The following SLC25A48 variants were observed in gnomAD, a reference collection of about 807,000 sequenced individuals.
The protein encoded by SLC25A48 is solute carrier family 25 member 48, also known as CTC-321K16.1.
Under a neutral mutation model 32.2 loss-of-function variants are expected in SLC25A48, and 29 were observed. The ratio of observed to expected loss-of-function variants is 0.90; its 90% CI spans 0.67 to 1.23. The LOEUF is 1.23. Ranked by LOEUF, SLC25A48 falls within the 50% of genes most tolerant of loss-of-function variation. The pLI is 0.00. For missense variants in SLC25A48, 399 were observed against 422.7 expected (o/e 0.94, Z 0.49); for synonymous variants, 164 against 172.3 (o/e 0.95, Z 0.38).
At chr5:135,744,660 CAGA>C (rs2127003351) in intron 3 of SLC25A48, among the ~76,000 whole-genome samples, 1 of 152,210 alleles carries the variant, frequency 6.6e-6, no homozygotes, top group Non-Finnish European at 1.5e-5. Context: ...GATGAGGAAC[CAGA>C]AGCTCAGAGA....
chr5:135,832,993 G>A (rs1758264840), upstream of SLC25A48, among the ~76,000 whole-genome samples: 1 of 152,224 alleles, frequency 6.6e-6, no homozygotes, highest in Admixed American at 6.5e-5. Context: ...GCTCTGAAGT[G>A]CGAAGGCCAG....
At chr5:135,713,193 A>G (rs890439801) in intron 3 of SLC25A48, among the ~76,000 whole-genome samples, 13 of 152,234 alleles carry the variant, frequency 8.5e-5, no homozygotes, top group Admixed American at 8.5e-4. Context: ...TGCAACCTGC[A>G]TTTTAACAAG....
chr5:135,850,611 A>G, intron 3 of SLC25A48, 115 bp downstream of exon 3: 1 of 913,078 alleles, frequency 1.1e-6, no homozygotes, highest in Non-Finnish European at 1.7e-6. Flanking sequence ...TGCTCTTCAC[A>G]CTCAGCTTGA....
intron 3 of SLC25A48, among the ~76,000 whole-genome samples, chr5:135,804,969 T>A (rs1311483286): frequency 1.3e-5 from 2 of 151,524 alleles, no homozygotes; most frequent in East Asian, 3.9e-4. Context: ...GGGATAGTAT[T>A]TGTAATATCC....
chr5:135,791,660 C>A (rs11242290), intron 3 of SLC25A48, among the ~76,000 whole-genome samples: 98,713 of 150,808 alleles, frequency 0.65, 34,234 homozygotes, highest in Non-Finnish European at 0.77. Context: ...TGTGATATTA[C>A]TGGTAATATT....
At chr5:135,696,048 C>T (rs1444606438) in intron 3 of SLC25A48, among the ~76,000 whole-genome samples, 1 of 152,208 alleles carries the variant, frequency 6.6e-6, no homozygotes, top group Non-Finnish European at 1.5e-5. Context: ...AGTGTCATCA[C>T]CCACAAATGG....
At position 135,799,305 on chromosome 5, in the gene SLC25A48, G is replaced by A. The variant is rs574634152; in HGVS notation, c.-520-13218G>A. Reference sequence around the variant, plus strand: ...TTACTACCAATATTGAAGGGCAGATGTACTCCCTCCCTGTGATATTGTTCT... The same window carrying A: ...TTACTACCAATATTGAAGGGCAGATATACTCCCTCCCTGTGATATTGTTCT... On this transcript the variant is annotated intron_variant, in intron 3 of 10. Coordinates refer to the SLC25A48 transcript ENST00000646290. Among the ~76,000 whole-genome samples the A allele has an allele frequency of 2.0e-3, 302 of 151,774 alleles. 1 individual carries two copies. Among genetic ancestry groups the A allele is most frequent in the African/African-American group, 6.9e-3 (287 of 41,438 alleles).
intron 1 of SLC25A48, among the ~76,000 whole-genome samples, chr5:135,596,293 C>A (rs1001957354): frequency 6.6e-6 from 1 of 152,032 alleles, no homozygotes; most frequent in South Asian, 2.1e-4. Flanking sequence ...CAATTGGTAA[C>A]CATAGAGATG....
chr5:135,790,993 C>G (rs191941543), intron 3 of SLC25A48, among the ~76,000 whole-genome samples: 1 of 150,400 alleles, frequency 6.6e-6, no homozygotes, highest in African/African-American at 2.5e-5. Context: ...TGTATAATTA[C>G]GGGGGGGGTG....
chr5:135,763,510 C>T (rs986206027), intron 3 of SLC25A48, among the ~76,000 whole-genome samples: 3 of 152,044 alleles, frequency 2.0e-5, no homozygotes, highest in African/African-American at 7.2e-5. Context: ...ATCCCACAAG[C>T]GCTGGAGGCA....
intron 3 of SLC25A48, among the ~76,000 whole-genome samples, chr5:135,678,465 CT>C (rs1753820033): frequency 2.0e-5 from 3 of 152,058 alleles, no homozygotes; most frequent in South Asian, 4.1e-4. Flanking sequence ...TTAAAATTCT[CT>C]TGTATCTCAC....
chr5:135,755,336 A>C (rs1369812778), intron 3 of SLC25A48, among the ~76,000 whole-genome samples: 2 of 152,074 alleles, frequency 1.3e-5, no homozygotes, highest in Admixed American at 6.6e-5. Context: ...GTGTCAATGC[A>C]CTATGGTATT....
chr5:135,735,416 G>A (rs1755337224), intron 3 of SLC25A48, among the ~76,000 whole-genome samples: 3 of 152,174 alleles, frequency 2.0e-5, no homozygotes, highest in Admixed American at 2.0e-4. Context: ...AGAAAGCCTG[G>A]GCCTTCAAGG....
intron 7 of SLC25A48, among the ~76,000 whole-genome samples, chr5:135,886,842 G>C (rs1238746693): frequency 6.6e-6 from 1 of 151,154 alleles, no homozygotes; most frequent in Non-Finnish European, 1.5e-5. Flanking sequence ...TTAAACAAAT[G>C]GAATCCTATT....
intron 3 of SLC25A48, among the ~76,000 whole-genome samples, chr5:135,790,554 A>T (rs912181917): frequency 3.3e-5 from 5 of 151,136 alleles, no homozygotes; most frequent in Non-Finnish European, 7.4e-5. Context: ...TCCTAGGGGG[A>T]TATTTCTCCT....
intron 7 of SLC25A48, among the ~76,000 whole-genome samples, chr5:135,884,676 C>T (rs1260239636): frequency 6.6e-6 from 1 of 152,116 alleles, no homozygotes; most frequent in Non-Finnish European, 1.5e-5. Flanking sequence ...CCTGGTTCAT[C>T]CCTGGGTAGA....
intron 3 of SLC25A48, among the ~76,000 whole-genome samples, chr5:135,702,518 T>G (rs1437162839): frequency 2.0e-5 from 3 of 152,250 alleles, no homozygotes; most frequent in Non-Finnish European, 1.5e-5. Context: ...AATCCCTTGA[T>G]TTTGGATTCC....
At chr5:135,882,265 C>T (rs1762530910) in intron 7 of SLC25A48, among the ~76,000 whole-genome samples, 1 of 152,248 alleles carries the variant, frequency 6.6e-6, no homozygotes, top group Admixed American at 6.5e-5. Context: ...TTGCCCATGG[C>T]ATTCAACTTC....
intron 4 of SLC25A48, among the ~76,000 whole-genome samples, chr5:135,857,769 T>C (rs1760452540): frequency 6.6e-6 from 1 of 151,728 alleles, no homozygotes; most frequent in Admixed American, 6.6e-5. Flanking sequence ...AGCCTGGAGG[T>C]CAGGGCTGTG....
Sources: gnomAD v4.1 joint callset for allele counts (sites outside exome capture counted in the v4.1 genomes callset) on GRCh38, gnomAD v4.1.1 for gene constraint, MANE v1.5 for transcripts, NCBI Gene and HGNC (gene_info 2026-07-23, HGNC 2026-07-21) for gene names.